The following PAN3 variants were observed in gnomAD, a reference collection of about 807,000 sequenced individuals.
PAN3 encodes PAN2-PAN3 deadenylation complex subunit PAN3.
A neutral mutation model predicts 96.2 loss-of-function variants in PAN3; 19 were observed. The ratio of observed to expected loss-of-function variants is 0.20; its 90% confidence interval spans 0.14 to 0.29. PAN3 has a LOEUF of 0.29. Ranked by LOEUF, PAN3 falls within the 10% of genes least tolerant of loss-of-function variation. The probability of loss-of-function intolerance (pLI) is 1.00; values close to 1 mark genes in which losing one functional copy is unlikely to be tolerated. For synonymous variants in PAN3, 433 were observed against 406.6 expected, an observed-to-expected ratio of 1.06 and a Z score of -0.78; for missense variants, 882 against 1,108.1, an observed-to-expected ratio of 0.80 and a Z score of 2.90.
chr13:28,288,986 C>G (rs1190246967), intron 18 of PAN3, among the ~76,000 whole-genome samples: 2 of 151,910 alleles, frequency 1.3e-5, no homozygotes, highest in African/African-American at 4.8e-5. Flanking sequence ...ACCACCATGC[C>G]CGGCTAATTT....
intron 1 of PAN3, among the ~76,000 whole-genome samples, chr13:28,157,856 T>G (rs926130446): frequency 6.6e-6 from 1 of 152,228 alleles, no homozygotes; most frequent in African/African-American, 2.4e-5. Context: ...AAGACTGTTC[T>G]GAAATTCATA....
intron 7 of PAN3, among the ~76,000 whole-genome samples, chr13:28,259,112 A>G (rs1015999856): frequency 6.6e-6 from 1 of 151,542 alleles, no homozygotes; most frequent in Non-Finnish European, 1.5e-5. Flanking sequence ...ATCTGAAGAA[A>G]TGTTTTCTTT....
rs192269116 is a variant in PAN3, at chr13:28,194,775, T to C, written c.691-2410T>C. Among the ~76,000 whole-genome samples, 18 of 152,164 alleles carry C rather than the reference T, an allele frequency of 1.2e-4. No individual in the cohort carries two copies. The East Asian group carries it at 3.1e-3, about 26-fold the overall frequency. On this transcript the variant is annotated intron_variant, in intron 4 of 18. Coordinates refer to ENST00000380958, the MANE Select transcript of PAN3 (RefSeq NM_175854.8). Reference sequence around the variant, plus strand: ...ATGAGCCACCGTTCCCGGCCAAATATAAATTTTAAATTAGTAAGTGTCTAA... The same window carrying C: ...ATGAGCCACCGTTCCCGGCCAAATACAAATTTTAAATTAGTAAGTGTCTAA...
chr13:28,290,332 T>C (rs995561392), intron 18 of PAN3, among the ~76,000 whole-genome samples: 3 of 152,206 alleles, frequency 2.0e-5, no homozygotes, highest in Non-Finnish European at 4.4e-5. Flanking sequence ...CTACTTTGCC[T>C]TCCTTTAACT....
intron 1 of PAN3, among the ~76,000 whole-genome samples, chr13:28,148,058 C>G (rs902659241): frequency 2.0e-5 from 3 of 152,000 alleles, no homozygotes; most frequent in African/African-American, 7.2e-5. Context: ...TGGGCTCAAG[C>G]GATTCTTCTG....
chr13:28,263,421 C>T (rs1020610092), intron 9 of PAN3, among the ~76,000 whole-genome samples: 2 of 152,266 alleles, frequency 1.3e-5, no homozygotes, highest in African/African-American at 4.8e-5. Context: ...CAACCTCCGC[C>T]TCCTGGGCTC....
intron 3 of PAN3, among the ~76,000 whole-genome samples, chr13:28,177,318 TTC>T: frequency 6.6e-6 from 1 of 152,210 alleles, no homozygotes; most frequent in Admixed American, 6.5e-5. Context: ...ACTTTATTAT[TTC>T]TGTCTTAACT....
chr13:28,195,049 A>G (rs1424166097), intron 4 of PAN3, among the ~76,000 whole-genome samples: 1 of 152,162 alleles, frequency 6.6e-6, no homozygotes, highest in Non-Finnish European at 1.5e-5. Flanking sequence ...TCCCTATGCT[A>G]TAGACATAGA....
chr13:28,179,799 CTAATA>C (rs1025117934), intron 4 of PAN3, among the ~76,000 whole-genome samples: 4 of 151,686 alleles, frequency 2.6e-5, no homozygotes, highest in African/African-American at 9.7e-5. Context: ...AAAAGTATTT[CTAATA>C]TAAGAGGTTA....
At chr13:28,263,835 G>A (rs566591840) in intron 9 of PAN3, among the ~76,000 whole-genome samples, 115 of 152,050 alleles carry the variant, frequency 7.6e-4, no homozygotes, top group South Asian at 7.1e-3. Context: ...CATTTGTAGC[G>A]ATGATAAAAT....
At chr13:28,213,576 A>G (rs1333137404) in intron 5 of PAN3, among the ~76,000 whole-genome samples, 1 of 152,062 alleles carries the variant, frequency 6.6e-6, no homozygotes, top group East Asian at 1.9e-4. Context: ...AAATTATTGC[A>G]CCAGTGTTTA....
intron 1 of PAN3, among the ~76,000 whole-genome samples, chr13:28,153,141 A>G (rs1871595940): frequency 6.6e-6 from 1 of 152,162 alleles, no homozygotes; most frequent in African/African-American, 2.4e-5. Context: ...GATATCATAC[A>G]GCAGTAAAAA....
intron 4 of PAN3, among the ~76,000 whole-genome samples, chr13:28,181,761 A>T (rs187094664): frequency 2.0e-5 from 3 of 152,296 alleles, no homozygotes. Context: ...TAATACTGTG[A>T]CATTCGAATA....
chr13:28,216,764 C>T (rs1880819063), intron 5 of PAN3, among the ~76,000 whole-genome samples: 1 of 151,686 alleles, frequency 6.6e-6, no homozygotes. Context: ...TGAAATGTTA[C>T]ATATCTTACG....
At chr13:28,188,114 C>T (rs574591214) in intron 4 of PAN3, among the ~76,000 whole-genome samples, 2 of 152,252 alleles carry the variant, frequency 1.3e-5, no homozygotes, top group East Asian at 1.9e-4. Flanking sequence ...ACTGCTTAAA[C>T]GAGTATATGA....
Position 28,149,489 on chromosome 13 carries a change from G to A in PAN3, c.430+10402G>A, listed in dbSNP as rs574281642. On this transcript the variant is annotated intron_variant, in intron 1 of 18. Transcript: ENST00000380958. ...ATCTAGAAATAGTTACATAAATCGC[G>A]TCTTTGGTAACTTAATAAGTTCATA... is the stretch of plus-strand genomic sequence containing the variant. 1.5e-3 allele frequency among the ~76,000 whole-genome samples: 233 copies of A among 152,212 alleles called. 1 individual carries two copies. The highest frequency in any genetic ancestry group is 4.2e-3 in the Admixed American group (64 of 15,284).
chr13:28,215,000 C>T (rs1880553598), intron 5 of PAN3: 12 of 1,293,558 alleles, frequency 9.3e-6, no homozygotes, highest in Non-Finnish European at 1.2e-5. Flanking sequence ...AGCCAACTTA[C>T]AGCCAGAAGA....
intron 6 of PAN3, among the ~76,000 whole-genome samples, chr13:28,234,621 C>T (rs1380796880): frequency 6.6e-6 from 1 of 152,140 alleles, no homozygotes; most frequent in Non-Finnish European, 1.5e-5. Flanking sequence ...TACCTCAATT[C>T]ATTTTAGAAT....
chr13:28,232,652 A>G (rs1882698725), intron 6 of PAN3: 2 of 152,150 alleles, frequency 1.3e-5, no homozygotes, highest in South Asian at 2.1e-4. Flanking sequence ...TAAAAAATTT[A>G]TAAAATACTG....
Sources: allele counts gnomAD v4.1 joint callset (sites outside exome capture counted in the v4.1 genomes callset), GRCh38; gene constraint gnomAD v4.1.1; transcripts MANE v1.5; gene names NCBI Gene and HGNC (gene_info 2026-07-23, HGNC 2026-07-21).